The following RPS12 variants were observed in gnomAD, a reference collection of about 807,000 sequenced individuals.
RPS12 encodes the protein small ribosomal subunit protein eS12.
RPS12 carries 1 observed loss-of-function variant against 17.2 expected under a neutral mutation model. That is an observed-to-expected ratio of 0.06 (90% CI 0.02 to 0.28). The LOEUF (loss-of-function observed/expected upper bound fraction) is 0.28. Among genes scored for constraint, RPS12 ranks in the 10% least tolerant of loss-of-function variants. The probability of loss-of-function intolerance (pLI) is 1.00; values close to 1 mark genes in which losing one functional copy is unlikely to be tolerated. For synonymous variants in RPS12, 67 were observed against 54.0 expected (o/e 1.24, Z -1.06); for missense variants, 146 against 162.1 (o/e 0.90, Z 0.54).
chr6:132,815,031 C>T lies in RPS12; in HGVS notation c.74C>T (p.Ala25Val). ...NTALQEVLKT[A>V]LIHDGLARGI... ...GCTTTACAAGAGGTTCTGAAGACTG[C>T]CCTCATCCACGATGGCCTAGCACGT... The change falls in exon 3 of 6, where the codon GCC (alanine) becomes GTC (valine). Residue 25 changes from alanine (A) to valine (V), a missense_variant. By Grantham distance (64) the Ala-to-Val change is moderately conservative. This residue lies in a region of RPS12 where 117 missense variants were observed against 104.6 expected (regional missense o/e 1.12). Coordinates refer to ENST00000230050, the MANE Select transcript of RPS12 (RefSeq NM_001016.4). The T allele has an allele frequency of 6.2e-7, 1 of 1,613,746 alleles. No homozygotes were observed. Among genetic ancestry groups the T allele is most frequent in the Non-Finnish European group, 8.5e-7 (1 of 1,179,706 alleles).
chr6:132,815,096 T>C lies in RPS12; in HGVS notation c.131+8T>C, dbSNP rs1024337693. 5.1e-6 allele frequency: 8 copies of C among 1,564,314 alleles called. No individual in the cohort carries two copies. Among genetic ancestry groups the C allele is most frequent in the South Asian group, 1.1e-5 (1 of 90,032 alleles). ...TGCCAAAGCCTTAGACAAGTACGTGTATCAGTCTCAATACTGTGGGTTCTT... is the reference window on the plus strand; with the variant it reads ...TGCCAAAGCCTTAGACAAGTACGTGCATCAGTCTCAATACTGTGGGTTCTT... On this transcript the variant is annotated splice_region_variant and intron_variant, in intron 3 of 5. Transcript: ENST00000230050.
Position 132,814,576 on chromosome 6 carries a change from C to A in RPS12, c.-75C>A. 2.7e-6 allele frequency: 2 copies of A among 748,242 alleles called. No homozygotes were observed. Among genetic ancestry groups the A allele is most frequent in the Non-Finnish European group, 4.7e-6 (2 of 425,076 alleles). 46.4% of individuals were successfully genotyped at this position (748,242 alleles called of 1,614,324 possible). On this transcript the variant is annotated 5_prime_UTR_variant, in exon 1 of 6. Transcript: ENST00000230050. ...CATGCGTGCGGATGAGGCCTCTTTC[C>A]CTGCCGCCGCCGAGTCGCGCGGAGG...
chr6:132,814,868 C>G, intron 2 of RPS12, 86 bp downstream of exon 2: 1 of 1,449,554 alleles, frequency 6.9e-7, no homozygotes. Context: ...CTGGGTCAAA[C>G]GGGTCGCCGT....
Position 132,814,583 on chromosome 6 carries a change from C to A in RPS12, c.-68C>A. On this transcript the variant is annotated 5_prime_UTR_variant, in exon 1 of 6. Coordinates refer to ENST00000230050, the MANE Select transcript of RPS12 (RefSeq NM_001016.4). ...GCGGATGAGGCCTCTTTCCCTGCCG[C>A]CGCCGAGTCGCGCGGAGGCGGAGGC... is the stretch of plus-strand genomic sequence containing the variant. 1 of 771,814 alleles carries A rather than the reference C, an allele frequency of 1.3e-6. No individual in the cohort carries two copies. The allele number at this position is 771,814 out of a possible 1,614,324, so 47.8% of individuals were successfully genotyped here.
chr6:132,816,870 A>AC (rs1184930614), intron 4 of RPS12, 90 bp from the exon 5 acceptor site: 1 of 913,582 alleles, frequency 1.1e-6, no homozygotes, highest in African/African-American at 1.6e-5. Context: ...CACCCTTCTG[A>AC]TTACAGCCAC....
At chr6:132,816,746 A>G (rs1227295119) in intron 4 of RPS12, 183 bp downstream of exon 4, 13 of 767,734 alleles carry the variant, frequency 1.7e-5, no homozygotes, top group Non-Finnish European at 2.8e-5. Flanking sequence ...ATTGAATCCT[A>G]ATTTTGACGT....
At chr6:132,814,902 C>T (rs9493451) in intron 2 of RPS12, 70 bp from the exon 3 acceptor site, 21 of 1,411,838 alleles carry the variant, frequency 1.5e-5, no homozygotes, top group Non-Finnish European at 1.6e-5. Context: ...GTACACTTAG[C>T]TTTTGCTGAG....
intron 3 of RPS12, chr6:132,816,137 C>T (rs982850187): frequency 1.2e-5 from 5 of 409,046 alleles, no homozygotes; most frequent in African/African-American, 1.0e-4. Context: ...CCCGGCCTTT[C>T]ACATGTTTCT....
chr6:132,815,017 G>A lies in RPS12; in HGVS notation c.60G>A (p.Glu20=), dbSNP rs771741563. The A allele has an allele frequency of 5.0e-6, 8 of 1,613,880 alleles. No individual in the cohort carries two copies. Among genetic ancestry groups the A allele is most frequent in the African/African-American group, 1.3e-5 (1 of 75,036 alleles). The change falls in exon 3 of 6, where the codon GAG becomes GAA. Residue 20 remains glutamate, a synonymous_variant. Coordinates refer to ENST00000230050, the MANE Select transcript of RPS12 (RefSeq NM_001016.4). ...TGGACGTTAATACTGCTTTACAAGA[G>A]GTTCTGAAGACTGCCCTCATCCACG... ...GVMDVNTALQ[E]VLKTALIHDG...
intron 3 of RPS12, 27 bp from the exon 4 acceptor site, chr6:132,816,434 C>T (rs372250483): frequency 8.4e-6 from 13 of 1,547,020 alleles, no homozygotes; most frequent in African/African-American, 1.4e-5. Flanking sequence ...AGTTTTAGCT[C>T]CATTTTCATT....
chr6:132,815,963 A>G (rs768329508), intron 3 of RPS12: 4 of 452,076 alleles, frequency 8.8e-6, no homozygotes, highest in Non-Finnish European at 1.3e-5. Flanking sequence ...TCCCGAGTAG[A>G]TGGAATTACA....
intron 1 of RPS12, 30 bp downstream of exon 1, chr6:132,814,643 A>C: frequency 1.8e-6 from 2 of 1,124,154 alleles, no homozygotes; most frequent in East Asian, 2.3e-5. Context: ...AGGGGGGTGT[A>C]TTGGTTATAA....
intron 3 of RPS12, 58 bp downstream of exon 3, chr6:132,815,146 A>T (rs1782016826): frequency 1.9e-6 from 2 of 1,058,180 alleles, no homozygotes; most frequent in African/African-American, 3.1e-5. Context: ...ACTGCCACCC[A>T]AGGGAAGAAG....
intron 5 of RPS12, 111 bp downstream of exon 5, chr6:132,817,172 T>G (rs754690090): frequency 1.2e-6 from 1 of 828,670 alleles, no homozygotes; most frequent in Non-Finnish European, 2.1e-6. Context: ...TCAACAGGTT[T>G]AAAGCATTTT....
chr6:132,817,321 G>A (rs771443328), intron 5 of RPS12, 159 bp from the exon 6 acceptor site: 27 of 783,332 alleles, frequency 3.4e-5, no homozygotes, highest in South Asian at 1.2e-4. Context: ...CATTGAAGTC[G>A]TTAAGGTCCC....
chr6:132,815,343 A>C, intron 3 of RPS12: 1 of 658,440 alleles, frequency 1.5e-6, no homozygotes, highest in South Asian at 1.4e-5. Context: ...ATACCCCTTC[A>C]CTCCTTTTAT....
rs576051437 is a variant in RPS12, at chr6:132,814,737, T to G, written c.-32T>G. The G allele has an allele frequency of 6.2e-7, 1 of 1,612,354 alleles. No homozygotes were observed. Among genetic ancestry groups the G allele is most frequent in the African/African-American group, 1.3e-5 (1 of 74,940 alleles). On this transcript the variant is annotated 5_prime_UTR_variant, in exon 2 of 6. Transcript: ENST00000230050. Reference sequence around the variant, plus strand: ...TCAATGCTTTTGTTTTTTAGTGCGTTCAAGATTCAACTTCACCCGTAACCC... The same window carrying G: ...TCAATGCTTTTGTTTTTTAGTGCGTGCAAGATTCAACTTCACCCGTAACCC...
At chr6:132,816,669 T>G in intron 4 of RPS12, 106 bp downstream of exon 4, 1 of 825,398 alleles carries the variant, frequency 1.2e-6, no homozygotes. Context: ...GTGTAAACAT[T>G]ACGTGCACCT....
chr6:132,815,186 T>A, intron 3 of RPS12, 98 bp downstream of exon 3: 1 of 810,234 alleles, frequency 1.2e-6, no homozygotes, highest in African/African-American at 1.7e-5. Flanking sequence ...AGCGCAAAAG[T>A]TCTGAATGGC....
Sources: gnomAD v4.1 joint callset for allele counts on GRCh38, gnomAD v4.1.1 for gene constraint, gnomAD v4.1.1 regional missense constraint, MANE v1.5 for transcripts, NCBI Gene and HGNC (gene_info 2026-07-23, HGNC 2026-07-21) for gene names.